The following SLC44A1 variants were observed in gnomAD, a reference collection of about 807,000 sequenced individuals.
SLC44A1 encodes the protein choline transporter-like protein 1.
Under a neutral mutation model 79.3 loss-of-function variants are expected in SLC44A1, and 26 were observed. That is an observed-to-expected ratio of 0.33 (90% CI 0.24 to 0.46). The LOEUF (loss-of-function observed/expected upper bound fraction) is 0.46. Ranked by LOEUF, SLC44A1 falls within the 20% of genes least tolerant of loss-of-function variation. The probability of loss-of-function intolerance (pLI) is 1.00; values close to 1 mark genes in which losing one functional copy is unlikely to be tolerated. For missense variants in SLC44A1, 688 were observed against 798.1 expected (o/e 0.86, Z 1.66); for synonymous variants, 263 against 286.2 (o/e 0.92, Z 0.82).
At chr9:105,363,641 C>A (rs943504898) in intron 9 of SLC44A1, among the ~76,000 whole-genome samples, 2 of 151,466 alleles carry the variant, frequency 1.3e-5, no homozygotes, top group African/African-American at 4.9e-5. Flanking sequence ...ATTTTTGTAT[C>A]TTTAGTAGAG....
At chr9:105,367,097 G>A (rs901909738) in intron 12 of SLC44A1, among the ~76,000 whole-genome samples, 1 of 151,900 alleles carries the variant, frequency 6.6e-6, no homozygotes, top group African/African-American at 2.4e-5. Flanking sequence ...TATATCTGAG[G>A]ATCTGGGAGT....
At chr9:105,277,419 G>T (rs929368805) in intron 1 of SLC44A1, among the ~76,000 whole-genome samples, 1 of 152,102 alleles carries the variant, frequency 6.6e-6, no homozygotes, top group African/African-American at 2.4e-5. Flanking sequence ...TTCCCTGATG[G>T]CAGGTACTCG....
intron 4 of SLC44A1, among the ~76,000 whole-genome samples, chr9:105,346,746 T>G (rs559930161): frequency 6.6e-6 from 1 of 152,260 alleles, no homozygotes; most frequent in East Asian, 1.9e-4. Flanking sequence ...ATGCTTAGCT[T>G]TTTAAAAAAT....
At chr9:105,352,492 A>G (rs1394069040) in intron 5 of SLC44A1, among the ~76,000 whole-genome samples, 1 of 152,196 alleles carries the variant, frequency 6.6e-6, no homozygotes, top group Non-Finnish European at 1.5e-5. Context: ...AAAATTTTTA[A>G]AAGACTCATT....
chr9:105,418,332 A>AAG (rs1829201320), intron 15 of SLC44A1, among the ~76,000 whole-genome samples: 1 of 148,816 alleles, frequency 6.7e-6, no homozygotes, highest in East Asian at 1.9e-4. Context: ...AAAAAAAAAA[A>AAG]AAAGAAAGAA....
chr9:105,279,647 T>C (rs1339589873), intron 1 of SLC44A1, among the ~76,000 whole-genome samples: 2 of 152,138 alleles, frequency 1.3e-5, no homozygotes, highest in Non-Finnish European at 2.9e-5. Context: ...AGATCCACTG[T>C]CTTAAACCAA....
At chr9:105,332,896 T>C (rs1040165433) in intron 3 of SLC44A1, among the ~76,000 whole-genome samples, 1 of 152,198 alleles carries the variant, frequency 6.6e-6, no homozygotes, top group African/African-American at 2.4e-5. Context: ...TTTATATATA[T>C]TATTGATCAC....
intron 15 of SLC44A1, among the ~76,000 whole-genome samples, chr9:105,434,496 A>T (rs1829438616): frequency 6.6e-6 from 1 of 152,228 alleles, no homozygotes; most frequent in South Asian, 2.1e-4. Context: ...GATGGAAAAG[A>T]TAAAAGTAGA....
chr9:105,400,322 C>G (rs779246767), downstream of SLC44A1, among the ~76,000 whole-genome samples: 2 of 151,860 alleles, frequency 1.3e-5, no homozygotes, highest in Non-Finnish European at 2.9e-5. Context: ...AACCCCGTCT[C>G]TACTAAAAAT....
rs918113960 is a variant in SLC44A1 at position 105,383,130 on chromosome 9, T to C, written c.1640T>C (p.Ile547Thr). The C allele has an allele frequency of 1.1e-5, 18 of 1,605,824 alleles. No homozygotes were observed. The highest frequency in any genetic ancestry group is 1.5e-5 in the Non-Finnish European group (18 of 1,172,540). The part of the protein sequence containing the change: ...DFMLFLGKVL[I>T]VCSTGLAGIM... ...TTGTTCTCTCTGCTTCAGGTGCTGA[T>C]AGTCTGCAGCACAGGTTTAGCTGGG... The change falls in exon 14 of 16, where the codon ATA (isoleucine) becomes ACA (threonine). Residue 547 changes from isoleucine (I) to threonine (T), a missense_variant. Coordinates refer to ENST00000374720, the MANE Select transcript of SLC44A1 (RefSeq NM_080546.5).
At chr9:105,285,887 G>C (rs1325710013) in intron 1 of SLC44A1, among the ~76,000 whole-genome samples, 1 of 152,114 alleles carries the variant, frequency 6.6e-6, no homozygotes, top group African/African-American at 2.4e-5. Context: ...CTTAGCTTGG[G>C]CTCAGAGGCC....
intron 15 of SLC44A1, among the ~76,000 whole-genome samples, chr9:105,417,944 G>A (rs59339372): frequency 7.2e-6 from 1 of 138,182 alleles, no homozygotes; most frequent in Admixed American, 6.8e-5. Context: ...TTGAGCCCAG[G>A]AGTTTGAGGC....
chr9:105,248,414 G>T lies in SLC44A1; in HGVS notation c.36+3510G>T, dbSNP rs575079737. On this transcript the variant is annotated intron_variant, in intron 1 of 15. Transcript: ENST00000374720. The stretch of plus-strand genomic sequence containing the variant: ...AATAATTATACTGTTTTAGGATTTA[G>T]ATCAAAGAAAAGTGTCACATTCTAT... Among the ~76,000 whole-genome samples the T allele has an allele frequency of 5.3e-5, 8 of 152,250 alleles. No homozygotes were observed. In the South Asian group the frequency reaches 1.5e-3, roughly 28 times the overall value.
Position 105,390,844 on chromosome 9 carries a change from G to A in SLC44A1, c.*1788G>A, listed in dbSNP as rs1452928691. 1.0e-6 allele frequency: 1 copy of A among 985,648 alleles called. No homozygotes were observed. Among genetic ancestry groups the A allele is most frequent in the Non-Finnish European group, 1.2e-6 (1 of 829,882 alleles). 61.1% of individuals were successfully genotyped at this position (985,648 alleles called of 1,614,324 possible). On this transcript the variant is annotated 3_prime_UTR_variant, in exon 16 of 16. Coordinates refer to ENST00000374720, the MANE Select transcript of SLC44A1 (RefSeq NM_080546.5). Reference sequence around the variant, plus strand: ...GCAAGATCTGGGAAACCAACATTGCGAGAGTAGCTATTTTGAAAGAATAAT... The same window carrying A: ...GCAAGATCTGGGAAACCAACATTGCAAGAGTAGCTATTTTGAAAGAATAAT...
chr9:105,262,562 T>C (rs756233604), intron 1 of SLC44A1, among the ~76,000 whole-genome samples: 17 of 152,260 alleles, frequency 1.1e-4, no homozygotes, highest in Non-Finnish European at 2.1e-4. Flanking sequence ...CTTCTGTCGT[T>C]GTTGACTAAC....
Position 105,392,684 on chromosome 9 carries a change from C to T in SLC44A1, c.*3628C>T, listed in dbSNP as rs1302027441. The T allele has an allele frequency of 2.0e-6, 2 of 983,098 alleles. No homozygotes were observed. Among genetic ancestry groups the T allele is most frequent in the Non-Finnish European group, 2.4e-6 (2 of 829,910 alleles). 60.9% of individuals were successfully genotyped at this position (983,098 alleles called of 1,614,324 possible). On this transcript the variant is annotated 3_prime_UTR_variant, in exon 16 of 16. Coordinates refer to ENST00000374720, the MANE Select transcript of SLC44A1 (RefSeq NM_080546.5). ...GGCCACATCACTGCCCCTGAGGCTT[C>T]AACTATTTCCACCATGCACTATTAC...
chr9:105,303,008 G>T (rs995683677), intron 2 of SLC44A1, among the ~76,000 whole-genome samples: 1 of 152,134 alleles, frequency 6.6e-6, no homozygotes, highest in Admixed American at 6.5e-5. Context: ...ATTTATCAAT[G>T]GTGTTATCAG....
intron 3 of SLC44A1, among the ~76,000 whole-genome samples, chr9:105,314,407 T>C (rs1338875888): frequency 2.0e-5 from 3 of 152,202 alleles, no homozygotes; most frequent in African/African-American, 7.2e-5. Flanking sequence ...AAGTATTAAG[T>C]CATTATTAGA....
Position 105,389,891 on chromosome 9 carries a change from T to A in SLC44A1, c.*835T>A. 6.6e-7 allele frequency: 1 copy of A among 1,513,764 alleles called. No individual in the cohort carries two copies. Among genetic ancestry groups the A allele is most frequent in the Non-Finnish European group, 8.8e-7 (1 of 1,131,068 alleles). 93.8% of individuals were successfully genotyped at this position (1,513,764 alleles called of 1,614,324 possible). On this transcript the variant is annotated 3_prime_UTR_variant, in exon 16 of 16. Transcript: ENST00000374720. Reference sequence around the variant, plus strand: ...CGAGTTTAGCCTTTAAGTTTCTGTGTATTGATTTGCAGATTAAGTAATGCT... The same window carrying A: ...CGAGTTTAGCCTTTAAGTTTCTGTGAATTGATTTGCAGATTAAGTAATGCT...
Sources: gnomAD v4.1 joint callset for allele counts (sites outside exome capture counted in the v4.1 genomes callset) on GRCh38, gnomAD v4.1.1 for gene constraint, MANE v1.5 for transcripts, NCBI Gene and HGNC (gene_info 2026-07-23, HGNC 2026-07-21) for gene names.